Variants in DOCK4 observed in about 807,000 individuals in gnomAD.
DOCK4 encodes the protein dedicator of cytokinesis 4.
Under a neutral mutation model 268.1 loss-of-function variants are expected in DOCK4, and 97 were observed. That is an observed-to-expected ratio of 0.36 (90% CI 0.31 to 0.43). The LOEUF (loss-of-function observed/expected upper bound fraction) is 0.43. DOCK4 is among the 20% of genes least tolerant of loss of function. DOCK4 has a pLI of 1.00. For synonymous variants in DOCK4, 954 were observed against 887.2 expected (o/e 1.08, Z -1.34); for missense variants, 2,145 against 2,455.7 (o/e 0.87, Z 2.67).
intron 1 of DOCK4, among the ~76,000 whole-genome samples, chr7:112,131,101 A>G (rs1379327885): frequency 6.6e-6 from 1 of 152,212 alleles, no homozygotes; most frequent in African/African-American, 2.4e-5. Flanking sequence ...CTTAAAACTA[A>G]CAAATGTGAT....
At chr7:111,842,065 C>T (rs1416589579) in intron 25 of DOCK4, among the ~76,000 whole-genome samples, 1 of 152,148 alleles carries the variant, frequency 6.6e-6, no homozygotes, top group Non-Finnish European at 1.5e-5. Flanking sequence ...CCATCAAAAC[C>T]ACAGTGAAGG....
At chr7:111,868,894 C>T (rs1168167636) in intron 21 of DOCK4, among the ~76,000 whole-genome samples, 1 of 152,088 alleles carries the variant, frequency 6.6e-6, no homozygotes, top group East Asian at 1.9e-4. Flanking sequence ...GCCCAAATTA[C>T]AAATGAATAA....
chr7:112,177,658 G>A (rs1010554252), intron 1 of DOCK4, among the ~76,000 whole-genome samples: 1 of 152,170 alleles, frequency 6.6e-6, no homozygotes, highest in Non-Finnish European at 1.5e-5. Flanking sequence ...ACATGGAAAT[G>A]ACTGGTTTTG....
At position 111,985,326 on chromosome 7, in the gene DOCK4, C is replaced by A. The variant is rs567426080; in HGVS notation, c.465-936G>T. On this transcript the variant is annotated intron_variant, in intron 6 of 52. Coordinates refer to ENST00000428084, the MANE Select transcript of DOCK4 (RefSeq NM_001363540.2). ...ATGATACCCTCTTCTCTAGCAGAGC[C>A]CCCTCAACCACCACATCCAAGGCCG... is the stretch of plus-strand genomic sequence containing the variant. 1.6e-4 allele frequency among the ~76,000 whole-genome samples: 25 copies of A among 152,260 alleles called. No individual in the cohort carries two copies. In the South Asian group the frequency reaches 5.0e-3, roughly 30 times the overall value.
intron 13 of DOCK4, among the ~76,000 whole-genome samples, chr7:111,912,876 A>G (rs190419069): frequency 3.9e-4 from 60 of 152,162 alleles, no homozygotes; most frequent in African/African-American, 1.4e-3. Context: ...TTGCTTTTAA[A>G]CTTCAAAAGT....
chr7:112,185,596 C>A (rs929773822), intron 1 of DOCK4, among the ~76,000 whole-genome samples: 8 of 150,638 alleles, frequency 5.3e-5, no homozygotes, highest in Non-Finnish European at 8.9e-5. Flanking sequence ...ACATGGGTCA[C>A]CCTCAGTTAA....
intron 49 of DOCK4, among the ~76,000 whole-genome samples, chr7:111,737,191 T>G (rs1238583127): frequency 6.6e-6 from 1 of 152,064 alleles, no homozygotes; most frequent in Non-Finnish European, 1.5e-5. Context: ...AAGAAAAGAG[T>G]GTTGGAAAAG....
chr7:112,072,049 T>C (rs1460314678), intron 1 of DOCK4, among the ~76,000 whole-genome samples: 3 of 152,232 alleles, frequency 2.0e-5, no homozygotes, highest in Non-Finnish European at 4.4e-5. Context: ...TTCTGAGTCA[T>C]AACCTGTTTG....
At chr7:112,154,019 TG>T (rs1563137736) in intron 1 of DOCK4, among the ~76,000 whole-genome samples, 2 of 152,186 alleles carry the variant, frequency 1.3e-5, no homozygotes. Context: ...TTACCCAGGC[TG>T]GGGTACAGTG....
chr7:111,877,006 T>C, intron 17 of DOCK4, 24 bp downstream of exon 17: 1 of 1,444,148 alleles, frequency 6.9e-7, no homozygotes, highest in Non-Finnish European at 9.2e-7. Context: ...TACTAGGGCT[T>C]TCAAATAAAA....
intron 42 of DOCK4, among the ~76,000 whole-genome samples, chr7:111,752,250 T>C (rs1043407170): frequency 1.2e-4 from 19 of 152,344 alleles, no homozygotes; most frequent in East Asian, 3.9e-4. Flanking sequence ...TATATCATTA[T>C]ACATTTTCTC....
At chr7:112,033,298 AAAG>A (rs1218905922) in intron 1 of DOCK4, among the ~76,000 whole-genome samples, 3 of 152,172 alleles carry the variant, frequency 2.0e-5, no homozygotes, top group Non-Finnish European at 4.4e-5. Context: ...CTTGAGGCTT[AAAG>A]AAGAGAAAGG....
At chr7:112,159,926 C>T (rs1317073899) in intron 1 of DOCK4, among the ~76,000 whole-genome samples, 7 of 150,964 alleles carry the variant, frequency 4.6e-5, no homozygotes, top group Admixed American at 1.3e-4. Context: ...CCCAAATACC[C>T]GAATCCCAAA....
intron 13 of DOCK4, among the ~76,000 whole-genome samples, chr7:111,902,655 C>G (rs1328066515): frequency 1.9e-3 from 296 of 152,138 alleles, no homozygotes; most frequent in African/African-American, 6.7e-3. Context: ...CAAAGCACAA[C>G]TAGAAAGTTT....
chr7:112,168,787 T>A (rs903833099), intron 1 of DOCK4, among the ~76,000 whole-genome samples: 1 of 152,116 alleles, frequency 6.6e-6, no homozygotes, highest in Admixed American at 6.5e-5. Flanking sequence ...GAGAATAATT[T>A]TGAATTCTAC....
chr7:111,939,589 T>C (rs949661026), intron 11 of DOCK4, among the ~76,000 whole-genome samples: 21 of 152,072 alleles, frequency 1.4e-4, no homozygotes, highest in African/African-American at 4.6e-4. Context: ...GAGTTATTTA[T>C]ATCCTACTGC....
chr7:112,171,269 A>C (rs184341658), intron 1 of DOCK4, among the ~76,000 whole-genome samples: 257 of 152,368 alleles, frequency 1.7e-3, no homozygotes, highest in Non-Finnish European at 3.0e-3. Flanking sequence ...CCATAAAGAA[A>C]TAACTAATGA....
chr7:111,992,025 T>C (rs1486046502), intron 5 of DOCK4, among the ~76,000 whole-genome samples: 2 of 139,754 alleles, frequency 1.4e-5, no homozygotes, highest in East Asian at 2.1e-4. Context: ...AGATGTAAAA[T>C]GTCCAGCTCA....
At chr7:111,819,899 G>T (rs1026378789) in intron 27 of DOCK4, 1 of 152,176 alleles carries the variant, frequency 6.6e-6, no homozygotes, top group Admixed American at 6.5e-5. Flanking sequence ...GGAAGAAAAG[G>T]TGGTCAACTT....
Sources: allele counts gnomAD v4.1 joint callset (sites outside exome capture counted in the v4.1 genomes callset), GRCh38; gene constraint gnomAD v4.1.1; transcripts MANE v1.5; gene names NCBI Gene and HGNC (gene_info 2026-07-23, HGNC 2026-07-21).